Variants in CX3CR1 observed in about 807,000 individuals in gnomAD.
CX3CR1 encodes the protein C-X3-C motif chemokine receptor 1, also known as CX3C chemokine receptor 1.
For synonymous variants in CX3CR1, 168 were observed against 178.5 expected, an observed-to-expected ratio of 0.94 and a Z score of 0.47; for missense variants, 363 against 432.4, an observed-to-expected ratio of 0.84 and a Z score of 1.42.
chr3:39,266,604 A>G, intron 1 of CX3CR1, 86 bp from the exon 2 acceptor site: 1 of 1,328,048 alleles, frequency 7.5e-7, no homozygotes, highest in South Asian at 1.2e-5. Context: ...GTAGGCAGGC[A>G]GGAAGAAACA....
At chr3:39,267,318 C>T (rs2040716020) in intron 1 of CX3CR1, among the ~76,000 whole-genome samples, 1 of 152,194 alleles carries the variant, frequency 6.6e-6, no homozygotes, top group Non-Finnish European at 1.5e-5. Flanking sequence ...TTTCCACCCT[C>T]TGGCCCCTTA....
chr3:39,266,222 G>A lies in CX3CR1; in HGVS notation c.288C>T (p.Gly96=), dbSNP rs191479599. ...FWTHYLINEK[G]LHNAMCKFTT... is the part of the protein sequence containing the mutation. Reference sequence around the variant, plus strand: ...TGAATTTGCACATGGCATTGTGGAGGCCCTTTTCATTTATCAAATAGTGAG... The same window carrying A: ...TGAATTTGCACATGGCATTGTGGAGACCCTTTTCATTTATCAAATAGTGAG... Residue 96 remains glycine, a synonymous_variant, in exon 2 of 2, where the codon GGC becomes GGT. Coordinates refer to ENST00000399220, the MANE Select transcript of CX3CR1 (RefSeq NM_001337.4). 5 of 1,614,222 alleles carry A rather than the reference G, an allele frequency of 3.1e-6. No homozygotes were observed. Among genetic ancestry groups the A allele is most frequent in the South Asian group, 2.2e-5 (2 of 91,086 alleles).
At position 39,266,206 on chromosome 3, in the gene CX3CR1, A is replaced by C; in HGVS notation, c.304T>G (p.Cys102Gly). Residue 102 changes from cysteine (C) to glycine (G), a missense_variant, in exon 2 of 2, where the codon TGC becomes GGC. Cys to Gly is a radical substitution (Grantham distance 159). Transcript: ENST00000399220. ...AAGAAGAAGGCGGTAGTGAATTTGCACATGGCATTGTGGAGGCCCTTTTCA... is the reference window on the plus strand; with the variant it reads ...AAGAAGAAGGCGGTAGTGAATTTGCCCATGGCATTGTGGAGGCCCTTTTCA... ...INEKGLHNAM[C>G]KFTTAFFFIG... The C allele has an allele frequency of 6.2e-7, 1 of 1,614,220 alleles. No homozygotes were observed. Among genetic ancestry groups the C allele is most frequent in the Non-Finnish European group, 8.5e-7 (1 of 1,180,032 alleles).
chr3:39,288,198 A>G, the CX3CR1 span, among the ~76,000 whole-genome samples: 1 of 152,200 alleles, frequency 6.6e-6, no homozygotes, highest in Non-Finnish European at 1.5e-5. Context: ...TGCCCCATAT[A>G]CTGCTTAATA....
At chr3:39,278,060 A>G (rs1218318452) in intron 1 of CX3CR1, among the ~76,000 whole-genome samples, 5 of 152,194 alleles carry the variant, frequency 3.3e-5, no homozygotes, top group African/African-American at 1.2e-4. Context: ...CCCAGTGCAC[A>G]GTCACCAAGT....
At chr3:39,279,310 G>C (rs1201286640) in intron 1 of CX3CR1, among the ~76,000 whole-genome samples, 1 of 151,730 alleles carries the variant, frequency 6.6e-6, no homozygotes, top group Non-Finnish European at 1.5e-5. Context: ...TAATCTTTTA[G>C]CTTTTCTCTA....
intron 1 of CX3CR1, among the ~76,000 whole-genome samples, chr3:39,273,999 G>A (rs2040809668): frequency 6.6e-6 from 1 of 152,202 alleles, no homozygotes; most frequent in Admixed American, 6.5e-5. Flanking sequence ...CAACAGAGAG[G>A]CTGCCCAGCA....
chr3:39,268,324 G>A (rs188037418), intron 1 of CX3CR1, among the ~76,000 whole-genome samples: 1 of 152,206 alleles, frequency 6.6e-6, no homozygotes, highest in Admixed American at 6.5e-5. Context: ...ATCTCTGGCT[G>A]TGACGTTAAT....
chr3:39,275,609 GCA>G (rs1335771589), intron 1 of CX3CR1, among the ~76,000 whole-genome samples: 2 of 152,144 alleles, frequency 1.3e-5, no homozygotes, highest in African/African-American at 4.8e-5. Context: ...TTCTGTTCTT[GCA>G]ACCTCTTAGT....
At chr3:39,275,795 T>C (rs2040833659) in intron 1 of CX3CR1, among the ~76,000 whole-genome samples, 1 of 152,116 alleles carries the variant, frequency 6.6e-6, no homozygotes, top group Non-Finnish European at 1.5e-5. Context: ...GTGTTTAAGA[T>C]ACAGTTCCTA....
In CX3CR1 at chr3:39,266,342, G is replaced by A. The variant is rs1211660429; in HGVS notation, c.168C>T (p.Leu56=). ...LVGNLLVVFA[L]TNSKKPKSVT... is the part of the protein sequence containing the mutation. ...CACTCTTGGGCTTCTTGCTGTTGGT[G>A]AGGGCAAACACTACCAACAAATTTC... is the stretch of plus-strand genomic sequence containing the variant. The change falls in exon 2 of 2, where the codon CTC becomes CTT. Residue 56 remains leucine, a synonymous_variant. Coordinates refer to ENST00000399220, the MANE Select transcript of CX3CR1 (RefSeq NM_001337.4). 7.4e-6 allele frequency: 12 copies of A among 1,614,092 alleles called. No individual in the cohort carries two copies. The highest frequency in any genetic ancestry group is 1.7e-5 in the Admixed American group (1 of 60,012).
intron 1 of CX3CR1, among the ~76,000 whole-genome samples, chr3:39,279,247 A>G (rs2040871628): frequency 6.8e-6 from 1 of 148,078 alleles, no homozygotes; most frequent in African/African-American, 2.6e-5. Flanking sequence ...AAGAAAAAGG[A>G]AAAAAAAACC....
At chr3:39,279,823 A>G in intron 1 of CX3CR1, 131 bp downstream of exon 1, 4 of 224,620 alleles carry the variant, frequency 1.8e-5, no homozygotes, top group Non-Finnish European at 3.0e-5. Flanking sequence ...CCCCTTGGAC[A>G]TATTTAGGCT....
At chr3:39,272,568 G>T (rs2040791032) in intron 1 of CX3CR1, among the ~76,000 whole-genome samples, 1 of 152,100 alleles carries the variant, frequency 6.6e-6, no homozygotes, top group African/African-American at 2.4e-5. Context: ...ATTCTTTTAT[G>T]TTGCTTTCTC....
chr3:39,278,529 C>T (rs1023449141), intron 1 of CX3CR1, among the ~76,000 whole-genome samples: 1 of 152,106 alleles, frequency 6.6e-6, no homozygotes, highest in African/African-American at 2.4e-5. Context: ...GCCTGGGATG[C>T]CCTGAGCAAT....
upstream of CX3CR1, among the ~76,000 whole-genome samples, chr3:39,282,653 G>T (rs142067457): frequency 6.6e-6 from 1 of 152,156 alleles, no homozygotes; most frequent in Non-Finnish European, 1.5e-5. Context: ...GAGACTTGGT[G>T]TGAATAAAGC....
At chr3:39,289,868 C>T in the CX3CR1 span, among the ~76,000 whole-genome samples, 1 of 152,248 alleles carries the variant, frequency 6.6e-6, no homozygotes, top group East Asian at 1.9e-4. Context: ...AGTGAGGCCT[C>T]AGGAGAAATC....
chr3:39,278,821 C>A (rs1285450028), intron 1 of CX3CR1, among the ~76,000 whole-genome samples: 1 of 152,044 alleles, frequency 6.6e-6, no homozygotes, highest in African/African-American at 2.4e-5. Flanking sequence ...CAGTCCTCAG[C>A]TGGGGCCTCT....
chr3:39,267,165 C>G (rs1432784481), intron 1 of CX3CR1, among the ~76,000 whole-genome samples: 1 of 150,790 alleles, frequency 6.6e-6, no homozygotes, highest in Non-Finnish European at 1.5e-5. Context: ...CTAGTTTGAC[C>G]AATGTGTGGA....
Sources: allele counts gnomAD v4.1 joint callset (sites outside exome capture counted in the v4.1 genomes callset), GRCh38; gene constraint gnomAD v4.1.1; transcripts MANE v1.5; gene names NCBI Gene and HGNC (gene_info 2026-07-23, HGNC 2026-07-21).